The following CHLSN variants were observed in gnomAD, a reference collection of about 807,000 sequenced individuals.
CHLSN encodes cholesin.
the CHLSN span, among the ~76,000 whole-genome samples, chr7:1,136,698 C>G: frequency 4.0e-5 from 6 of 149,256 alleles, no homozygotes; most frequent in East Asian, 9.8e-4. Context: ...TATATATGTA[C>G]TTATATATAT....
At chr7:983,024 C>G in the CHLSN span, among the ~76,000 whole-genome samples, 2 of 152,066 alleles carry the variant, frequency 1.3e-5, no homozygotes, top group African/African-American at 2.4e-5. Context: ...ACCAGGGCCT[C>G]AGCCCCACAT....
chr7:1,070,869 C>T, the CHLSN span, among the ~76,000 whole-genome samples: 16,994 of 147,408 alleles, frequency 0.12, 1,083 homozygotes, highest in Middle Eastern at 0.25. Flanking sequence ...CACACGGGTG[C>T]GCACACGTGC....
chr7:1,090,493 C>A, the CHLSN span, among the ~76,000 whole-genome samples: 4 of 151,690 alleles, frequency 2.6e-5, no homozygotes, highest in African/African-American at 7.3e-5. Context: ...ATGGGACCCT[C>A]CCCACTGGCG....
chr7:978,041 G>C, the CHLSN span, among the ~76,000 whole-genome samples: 1 of 152,356 alleles, frequency 6.6e-6, no homozygotes, highest in Non-Finnish European at 1.5e-5. Context: ...AGCAGTGGAA[G>C]GACAGCCCCT....
chr7:1,033,784 A>AGGAAATC, the CHLSN span, among the ~76,000 whole-genome samples: 1 of 152,058 alleles, frequency 6.6e-6, no homozygotes, highest in Admixed American at 6.5e-5. Context: ...GGAGACACCC[A>AGGAAATC]GGAAATCGGT....
the CHLSN span, chr7:1,056,348 T>G: frequency 6.6e-6 from 1 of 152,622 alleles, no homozygotes; most frequent in Non-Finnish European, 1.5e-5. Context: ...GCGGCCTAGC[T>G]CTGCATGCCT....
chr7:1,049,625 A>T, the CHLSN span, among the ~76,000 whole-genome samples: 1 of 151,936 alleles, frequency 6.6e-6, no homozygotes, highest in Non-Finnish European at 1.5e-5. Context: ...CCCACCACTA[A>T]TCCAGGCCCC....
At chr7:995,970 A>G in the CHLSN span, among the ~76,000 whole-genome samples, 1 of 152,208 alleles carries the variant, frequency 6.6e-6, no homozygotes, top group African/African-American at 2.4e-5. Context: ...CACGGTCCTT[A>G]GGGTCTCCTC....
At chr7:1,023,629 ACACACACAC>A in the CHLSN span, among the ~76,000 whole-genome samples, 5 of 23,998 alleles carry the variant, frequency 2.1e-4, no homozygotes, top group Non-Finnish European at 4.6e-4. The surrounding 1 kb of genome is among the most constrained non-coding windows in gnomAD (Gnocchi z 5.0). Flanking sequence ...CAGGAAACAC[ACACACACAC>A]ACACACACAC....
At chr7:1,036,283 T>C in the CHLSN span, among the ~76,000 whole-genome samples, 1 of 152,028 alleles carries the variant, frequency 6.6e-6, no homozygotes, top group Non-Finnish European at 1.5e-5. Flanking sequence ...GCTGTGGCCA[T>C]GTAGGGTTCG....
the CHLSN span, among the ~76,000 whole-genome samples, chr7:1,131,423 C>CA: frequency 1.3e-5 from 2 of 152,136 alleles, no homozygotes; most frequent in Admixed American, 1.3e-4. Flanking sequence ...AGGCCCTGTC[C>CA]AAAAGGCAGA....
chr7:1,053,300 G>A, the CHLSN span, among the ~76,000 whole-genome samples: 1 of 152,388 alleles, frequency 6.6e-6, no homozygotes, highest in African/African-American at 2.4e-5. Flanking sequence ...GGACGCAGGT[G>A]TGGCGACGGC....
chr7:1,027,260 C>T, the CHLSN span, among the ~76,000 whole-genome samples: 1 of 152,258 alleles, frequency 6.6e-6, no homozygotes, highest in Non-Finnish European at 1.5e-5. Context: ...ACTGTCAATT[C>T]GGTGAGTTAC....
the CHLSN span, chr7:1,088,162 C>T: frequency 1.3e-5 from 2 of 152,276 alleles, no homozygotes; most frequent in Non-Finnish European, 2.9e-5. This position sits in a 1 kb window ranked among gnomAD's most constrained non-coding sequence, Gnocchi z 4.5. Context: ...AACCTTCCCT[C>T]GCGGGCTCCC....
chr7:1,049,931 G>A, the CHLSN span, among the ~76,000 whole-genome samples: 1 of 152,142 alleles, frequency 6.6e-6, no homozygotes. Flanking sequence ...AGCCAGGCCT[G>A]GCAGCAGCCA....
chr7:1,006,191 C>G, the CHLSN span, among the ~76,000 whole-genome samples: 1 of 152,288 alleles, frequency 6.6e-6, no homozygotes, highest in East Asian at 1.9e-4. Flanking sequence ...CCCAAACTTC[C>G]GCCTATGCAA....
At chr7:1,136,512 A>G in the CHLSN span, among the ~76,000 whole-genome samples, 1 of 74,944 alleles carries the variant, frequency 1.3e-5, no homozygotes, top group Non-Finnish European at 2.5e-5. Context: ...ATATATAAAC[A>G]TATATAAATA....
chr7:982,030 T>C, the CHLSN span, among the ~76,000 whole-genome samples: 1,884 of 152,214 alleles, frequency 0.012, 46 homozygotes, highest in African/African-American at 0.044. Context: ...CAAGACCCTG[T>C]CTCAAAAACA....
chr7:1,070,274 C>T, the CHLSN span, among the ~76,000 whole-genome samples: 91 of 145,662 alleles, frequency 6.2e-4, 1 homozygote, highest in Non-Finnish European at 1.1e-3. Context: ...GTCAGCCCCC[C>T]GCCCGGCCAG....
Sources: gnomAD v4.1 joint callset for allele counts (sites outside exome capture counted in the v4.1 genomes callset) on GRCh38, gnomAD v4.1.1 for gene constraint, Gnocchi (gnomAD v3.1) non-coding constraint, MANE v1.5 for transcripts, NCBI Gene and HGNC (gene_info 2026-07-23, HGNC 2026-07-21) for gene names.